MXRA7: variants seen among roughly 807,000 people sequenced by gnomAD.
MXRA7 encodes matrix-remodeling-associated protein 7.
In MXRA7, 18 loss-of-function variants were observed where a neutral mutation model predicts 17.4. The observed-to-expected ratio is 1.03, with a 90% CI of 0.71 to 1.53. The LOEUF is 1.53. Among genes scored for constraint, MXRA7 ranks in the 40% most tolerant of loss-of-function variants. The probability of loss-of-function intolerance (pLI) is 0.00; values close to 1 mark genes in which losing one functional copy is unlikely to be tolerated. For missense variants in MXRA7, 141 were observed against 209.3 expected, an observed-to-expected ratio of 0.67 and a Z score of 2.01; for synonymous variants, 70 against 101.7, an observed-to-expected ratio of 0.69 and a Z score of 1.87.
intron 1 of MXRA7, among the ~76,000 whole-genome samples, chr17:76,694,065 C>A (rs1445297942): frequency 6.6e-6 from 1 of 152,210 alleles, no homozygotes; most frequent in Non-Finnish European, 1.5e-5. Context: ...GGCGGTCAAA[C>A]CCTCCCCCTT....
chr17:76,679,512 A>G (rs1335374660), downstream of MXRA7: 1 of 796,438 alleles, frequency 1.3e-6, no homozygotes, highest in African/African-American at 1.9e-5. Context: ...TCAAACTTCA[A>G]TGGGTTCAAA....
chr17:76,690,259 C>A (rs1428762907), intron 1 of MXRA7: 2 of 152,096 alleles, frequency 1.3e-5, no homozygotes, highest in African/African-American at 2.4e-5. Flanking sequence ...GGCAGCTTTT[C>A]CTTTCCGTCT....
chr17:76,702,890 T>TATATATATATACGTATATATATATA (rs1251035840), intron 1 of MXRA7, among the ~76,000 whole-genome samples: 4 of 149,570 alleles, frequency 2.7e-5, no homozygotes, highest in African/African-American at 7.4e-5. Flanking sequence ...TATATATATA[T>TATATATATATACGTATATATATATA]CTTGAGGAGG....
At chr17:76,702,244 C>T (rs1004293083) in intron 1 of MXRA7, among the ~76,000 whole-genome samples, 2 of 152,216 alleles carry the variant, frequency 1.3e-5, no homozygotes, top group Non-Finnish European at 2.9e-5. Context: ...CAGCAATTCA[C>T]ATCTGTAATC....
exon 4 of MXRA7, chr17:76,673,569 G>GCTGCC (rs948995198): frequency 6.6e-6 from 1 of 152,230 alleles, no homozygotes; most frequent in African/African-American, 2.4e-5. Flanking sequence ...GGCCCAGAGA[G>GCTGCC]CTGCCCAGTA....
chr17:76,694,263 G>A (rs1049632515), intron 1 of MXRA7, among the ~76,000 whole-genome samples: 58 of 152,172 alleles, frequency 3.8e-4, no homozygotes, highest in African/African-American at 1.4e-3. Context: ...TTCCCTGCCT[G>A]AGAACCGCTC....
intron 1 of MXRA7, 36 bp downstream of exon 1, chr17:76,710,569 G>A (rs1598367188): frequency 7.9e-7 from 1 of 1,259,356 alleles, no homozygotes; most frequent in African/African-American, 1.6e-5. Context: ...GGAGCCCCGG[G>A]GGTGGGGAGG....
chr17:76,677,773 A>G, downstream of MXRA7: 1 of 1,100,656 alleles, frequency 9.1e-7, no homozygotes, highest in Non-Finnish European at 1.4e-6. Context: ...GCCTGTGTGC[A>G]GCCGGCGGAG....
chr17:76,709,290 A>C (rs1394221621), intron 1 of MXRA7, among the ~76,000 whole-genome samples: 1 of 152,120 alleles, frequency 6.6e-6, no homozygotes, highest in Non-Finnish European at 1.5e-5. Context: ...CAAATATGGG[A>C]GCAAACACAA....
Position 76,705,617 on chromosome 17 carries a change from G to A in MXRA7, c.342+4988C>T, listed in dbSNP as rs148091919. 9.1e-3 allele frequency among the ~76,000 whole-genome samples: 1,380 copies of A among 152,218 alleles called. 25 individuals carry two copies. Among genetic ancestry groups the A allele is most frequent in the African/African-American group, 0.031 (1,280 of 41,530 alleles). ...GGTCTTTGGGAGGTGAGATTTAGAC[G>A]AGGTCACGATGGTGGAGTCCCTACA... On this transcript the variant is annotated intron_variant, in intron 1 of 3. Coordinates refer to ENST00000449428, the MANE Select transcript of MXRA7 (RefSeq NM_198530.4).
Position 76,681,029 on chromosome 17 carries a change from A to C in MXRA7, c.501-150T>G. On this transcript the variant is annotated intron_variant, in intron 3 of 3. Transcript: ENST00000449428. The surrounding 1 kb of genome is among the most constrained non-coding windows in gnomAD (Gnocchi z 4.7). ...ACTCTGGTTTCTCAAACCACTGCTG[A>C]TTTGCTTCTCATCGCTTGCAGCAAG... is the stretch of plus-strand genomic sequence containing the variant. 3 of 707,990 alleles carry C rather than the reference A, an allele frequency of 4.2e-6. No homozygotes were observed. The highest frequency in any genetic ancestry group is 7.3e-6 in the Non-Finnish European group (3 of 411,878). 43.9% of individuals were successfully genotyped at this position (707,990 alleles called of 1,614,324 possible).
rs756895808 is a variant in MXRA7, at chr17:76,680,887, G to C, written c.501-8C>G. 2 of 1,592,000 alleles carry C rather than the reference G, an allele frequency of 1.3e-6. No homozygotes were observed. The highest frequency in any genetic ancestry group is 4.5e-5 in the East Asian group (2 of 44,692). On this transcript the variant is annotated splice_region_variant and splice_polypyrimidine_tract_variant and intron_variant, in intron 3 of 3. Coordinates refer to ENST00000449428, the MANE Select transcript of MXRA7 (RefSeq NM_198530.4). ...CTTCGTTATTCTTCAGTTCTGTAAA[G>C]AGAAATGGGGAGAAAAAGATAATTT...
exon 4 of MXRA7, chr17:76,673,074 C>T (rs2076214248): frequency 6.6e-6 from 1 of 152,190 alleles, no homozygotes; most frequent in African/African-American, 2.4e-5. Flanking sequence ...AAAAAGACGT[C>T]TCTTTGGGAA....
At chr17:76,688,690 C>A in intron 1 of MXRA7, 1 of 1,235,232 alleles carries the variant, frequency 8.1e-7, no homozygotes, top group South Asian at 4.1e-5. Context: ...AGTTCTCTCC[C>A]ACACAGAGAC....
intron 1 of MXRA7, among the ~76,000 whole-genome samples, chr17:76,706,158 GCCC>G (rs2076653551): frequency 6.6e-6 from 1 of 150,432 alleles, no homozygotes; most frequent in African/African-American, 2.5e-5. Flanking sequence ...CGTCACAGAG[GCCC>G]ACGCTGCCGT....
chr17:76,699,585 C>T (rs2076570399), intron 1 of MXRA7, among the ~76,000 whole-genome samples: 1 of 152,216 alleles, frequency 6.6e-6, no homozygotes, highest in Non-Finnish European at 1.5e-5. Context: ...TCCAGATTCT[C>T]CTGCCATCAG....
chr17:76,693,613 A>G (rs2076501654), intron 1 of MXRA7, among the ~76,000 whole-genome samples: 1 of 152,200 alleles, frequency 6.6e-6, no homozygotes, highest in African/African-American at 2.4e-5. Context: ...TGGGAGGCTG[A>G]GGCAAGTGGA....
intron 1 of MXRA7, among the ~76,000 whole-genome samples, chr17:76,700,207 G>A (rs2076575226): frequency 6.6e-6 from 1 of 152,102 alleles, no homozygotes. Flanking sequence ...CCTGACCTCA[G>A]GTGATCTGCT....
At chr17:76,698,621 C>A (rs1338259462) in intron 1 of MXRA7, among the ~76,000 whole-genome samples, 2 of 152,066 alleles carry the variant, frequency 1.3e-5, no homozygotes, top group African/African-American at 4.8e-5. Flanking sequence ...GTCCCCCTCT[C>A]ACTTGTCCAG....
Sources: gnomAD v4.1 joint callset for allele counts (sites outside exome capture counted in the v4.1 genomes callset) on GRCh38, gnomAD v4.1.1 for gene constraint, Gnocchi (gnomAD v3.1) non-coding constraint, MANE v1.5 for transcripts, NCBI Gene and HGNC (gene_info 2026-07-23, HGNC 2026-07-21) for gene names.